The following RNF130 variants were observed in gnomAD, a reference collection of about 807,000 sequenced individuals.
RNF130 encodes the protein E3 ubiquitin-protein ligase RNF130.
A neutral mutation model predicts 44.6 loss-of-function variants in RNF130; 21 were observed. The ratio of observed to expected loss-of-function variants is 0.47; its 90% confidence interval spans 0.33 to 0.68. The LOEUF (loss-of-function observed/expected upper bound fraction) is 0.68, where lower values mean the gene tolerates loss of function less well. Among genes scored for constraint, RNF130 ranks in the 30% least tolerant of loss-of-function variants. The pLI is 0.02. For missense variants in RNF130, 479 were observed against 560.6 expected (o/e 0.85, Z 1.47); for synonymous variants, 214 against 210.4 (o/e 1.02, Z -0.15).
At chr5:180,027,669 C>T (rs1310206971) in intron 2 of RNF130, among the ~76,000 whole-genome samples, 1 of 152,174 alleles carries the variant, frequency 6.6e-6, no homozygotes, top group Admixed American at 6.5e-5. Flanking sequence ...GCAGCCAGGA[C>T]GCGTGCCTTC....
intron 7 of RNF130, among the ~76,000 whole-genome samples, chr5:179,941,856 C>G (rs901184109): frequency 3.3e-5 from 5 of 152,088 alleles, no homozygotes; most frequent in Non-Finnish European, 7.4e-5. Flanking sequence ...CTTAGAGTTT[C>G]CTTAATGAGG....
chr5:179,934,540 CTTT>C (rs140004601), intron 7 of RNF130, among the ~76,000 whole-genome samples: 10 of 126,380 alleles, frequency 7.9e-5, no homozygotes, highest in East Asian at 2.2e-4. Context: ...CTTTTCTTTC[CTTT>C]TTTTTTTTTT....
intron 7 of RNF130, among the ~76,000 whole-genome samples, chr5:179,966,376 G>T (rs1762446028): frequency 6.6e-6 from 1 of 152,166 alleles, no homozygotes; most frequent in African/African-American, 2.4e-5. Flanking sequence ...TGAATTTTTA[G>T]GTTCAAGTTC....
chr5:179,949,875 G>A (rs1762099482), intron 7 of RNF130, among the ~76,000 whole-genome samples: 1 of 152,080 alleles, frequency 6.6e-6, no homozygotes, highest in African/African-American at 2.4e-5. Context: ...GTAATCAATC[G>A]GATCACTGTA....
intron 7 of RNF130, among the ~76,000 whole-genome samples, chr5:179,942,372 T>C (rs566449417): frequency 5.0e-4 from 76 of 152,146 alleles, no homozygotes; most frequent in African/African-American, 1.3e-3. Flanking sequence ...GGCAGACAGA[T>C]CTGTATGCAC....
chr5:180,056,382 C>T (rs898453276), intron 1 of RNF130, among the ~76,000 whole-genome samples: 2 of 152,006 alleles, frequency 1.3e-5, no homozygotes, highest in African/African-American at 2.4e-5. Context: ...TAGAAGGGAG[C>T]CACAGACCAG....
At chr5:179,985,370 T>A (rs73348242) in intron 3 of RNF130, among the ~76,000 whole-genome samples, 1 of 152,268 alleles carries the variant, frequency 6.6e-6, no homozygotes, top group African/African-American at 2.4e-5. Context: ...ATCTGGATTC[T>A]ATTCTACAGC....
At chr5:180,035,985 G>T (rs569136273) in intron 2 of RNF130, among the ~76,000 whole-genome samples, 1 of 152,052 alleles carries the variant, frequency 6.6e-6, no homozygotes, top group East Asian at 1.9e-4. Context: ...TAATTGCTTT[G>T]AAGTTTGTCT....
chr5:179,959,869 C>G (rs1423888531), intron 8 of RNF130, among the ~76,000 whole-genome samples: 2 of 152,128 alleles, frequency 1.3e-5, no homozygotes. Context: ...ACTTCAGATT[C>G]ATTTCCTCAT....
chr5:180,023,313 G>A (rs1367231507), intron 2 of RNF130, among the ~76,000 whole-genome samples: 1 of 152,190 alleles, frequency 6.6e-6, no homozygotes, highest in African/African-American at 2.4e-5. Flanking sequence ...AGAAGCAACA[G>A]GCATCTCGGC....
chr5:180,061,068 C>CAAAAAAAA (rs57744473), intron 1 of RNF130, among the ~76,000 whole-genome samples: 4 of 53,598 alleles, frequency 7.5e-5, no homozygotes, highest in Non-Finnish European at 9.4e-5. Flanking sequence ...GACTCCGTCT[C>CAAAAAAAA]AAAAAAAAAA....
intron 7 of RNF130, chr5:179,939,765 C>T (rs1043940260): frequency 9.4e-6 from 4 of 427,784 alleles, no homozygotes; most frequent in Non-Finnish European, 1.8e-5. Context: ...CCTCCCTTGG[C>T]GACTCCTTTG....
rs113929250 is a variant in RNF130 at position 179,979,793 on chromosome 5, C to T, written c.765+336G>A. Among the ~76,000 whole-genome samples, 892 of 152,268 alleles carry T rather than the reference C, an allele frequency of 5.9e-3. 7 individuals are homozygous for T. Among genetic ancestry groups the T allele is most frequent in the African/African-American group, 0.02 (844 of 41,538 alleles). On this transcript the variant is annotated intron_variant, in intron 4 of 8. Coordinates refer to ENST00000521389, the MANE Select transcript of RNF130 (RefSeq NM_018434.6). ...ACTCCCTAGAAATGCAGGTCTTCAACTCTCCATGTATCTAGTGAAAAAATA... is the reference window on the plus strand; with the variant it reads ...ACTCCCTAGAAATGCAGGTCTTCAATTCTCCATGTATCTAGTGAAAAAATA...
At chr5:180,009,512 C>T (rs923345761) in intron 3 of RNF130, among the ~76,000 whole-genome samples, 4 of 152,124 alleles carry the variant, frequency 2.6e-5, no homozygotes, top group Non-Finnish European at 5.9e-5. Context: ...TAGAGAAATG[C>T]AAACTAAAAC....
At chr5:179,990,972 C>A (rs557322868) in intron 3 of RNF130, among the ~76,000 whole-genome samples, 1 of 152,186 alleles carries the variant, frequency 6.6e-6, no homozygotes, top group Non-Finnish European at 1.5e-5. Context: ...TGGAATAGCT[C>A]GTGCCCTCGG....
At chr5:180,039,678 C>T (rs920314622) in intron 2 of RNF130, among the ~76,000 whole-genome samples, 1 of 152,150 alleles carries the variant, frequency 6.6e-6, no homozygotes, top group Non-Finnish European at 1.5e-5. Flanking sequence ...AAAAATTACA[C>T]GATGAAAAGT....
chr5:179,946,668 C>T (rs1371220813), intron 7 of RNF130, among the ~76,000 whole-genome samples: 2 of 152,000 alleles, frequency 1.3e-5, no homozygotes, highest in East Asian at 1.9e-4. Context: ...ATTCTCCTGC[C>T]TCAGCCTCCC....
chr5:179,940,513 A>G (rs947459634), intron 7 of RNF130, among the ~76,000 whole-genome samples: 1 of 152,176 alleles, frequency 6.6e-6, no homozygotes, highest in Admixed American at 6.5e-5. Context: ...CTGGGATTAC[A>G]GGCATGAGCC....
intron 7 of RNF130, among the ~76,000 whole-genome samples, chr5:179,938,966 G>C (rs1036654037): frequency 6.6e-6 from 1 of 152,094 alleles, no homozygotes; most frequent in Non-Finnish European, 1.5e-5. Context: ...AGCAGCTCAC[G>C]CCTATAATGC....
Sources: gnomAD v4.1 joint callset for allele counts (sites outside exome capture counted in the v4.1 genomes callset) on GRCh38, gnomAD v4.1.1 for gene constraint, MANE v1.5 for transcripts, NCBI Gene and HGNC (gene_info 2026-07-23, HGNC 2026-07-21) for gene names.